CNNM2: variants seen among roughly 807,000 people sequenced by gnomAD.
CNNM2 encodes the protein metal transporter CNNM2.
CNNM2 carries 12 observed loss-of-function variants against 66.9 expected under a neutral mutation model. The ratio of observed to expected loss-of-function variants is 0.18; its 90% CI spans 0.11 to 0.29. The LOEUF is 0.29. Ranked by LOEUF, CNNM2 falls within the 10% of genes least tolerant of loss-of-function variation. CNNM2 has a pLI of 1.00. For synonymous variants in CNNM2, 557 were observed against 501.8 expected (o/e 1.11, Z -1.47); for missense variants, 705 against 1,167.7 (o/e 0.60, Z 5.77).
chr10:103,086,870 A>G lies in CNNM2; in HGVS notation c.*9690A>G, dbSNP rs1564879017. ...AAGTACACCATCAGAGTTTTCACTGACTATCTATCTTTGCAGAGATGAATG... is the reference window on the plus strand; with the variant it reads ...AAGTACACCATCAGAGTTTTCACTGGCTATCTATCTTTGCAGAGATGAATG... On this transcript the variant is annotated 3_prime_UTR_variant, in exon 8 of 8. Coordinates refer to ENST00000369878, the MANE Select transcript of CNNM2 (RefSeq NM_017649.5). 1 of 152,198 alleles carries G rather than the reference A, an allele frequency of 6.6e-6. No homozygotes were observed. Among genetic ancestry groups the G allele is most frequent in the East Asian group, 1.9e-4 (1 of 5,190 alleles). 9.4% of individuals were successfully genotyped at this position (152,198 alleles called of 1,614,324 possible).
At chr10:103,028,344 T>G (rs958070016) in intron 1 of CNNM2, among the ~76,000 whole-genome samples, 1 of 152,210 alleles carries the variant, frequency 6.6e-6, no homozygotes, top group African/African-American at 2.4e-5. Context: ...GACAACTCAT[T>G]GTATTTGAGT....
intron 1 of CNNM2, among the ~76,000 whole-genome samples, chr10:102,972,859 G>A (rs952513760): frequency 2.6e-5 from 4 of 152,158 alleles, no homozygotes; most frequent in Non-Finnish European, 5.9e-5. Context: ...GAGAGAAACT[G>A]CTGTACATTG....
chr10:102,928,803 C>T (rs1845967850), intron 1 of CNNM2, among the ~76,000 whole-genome samples: 1 of 152,142 alleles, frequency 6.6e-6, no homozygotes, highest in Non-Finnish European at 1.5e-5. Context: ...GGCCCCACCT[C>T]TTAATATCAC....
chr10:103,073,932 C>T (rs567283930), intron 6 of CNNM2, among the ~76,000 whole-genome samples: 2 of 150,276 alleles, frequency 1.3e-5, no homozygotes, highest in South Asian at 4.2e-4. Context: ...TATGGGGTAC[C>T]TACTGTTGTC....
rs11191501 is a variant in CNNM2 at position 103,005,194 on chromosome 10, C to G, written c.1622-44513C>G. Among the ~76,000 whole-genome samples the G allele has an allele frequency of 0.14, 21,241 of 151,940 alleles. 1,673 individuals carry two copies. Among genetic ancestry groups the G allele is most frequent in the East Asian group, 0.19 (984 of 5,154 alleles). The stretch of plus-strand genomic sequence containing the variant: ...CTCCCAAAGTGATAGGATTACAGAC[C>G]TGAGCCACTGTGTCTGGCCTAATTT... On this transcript the variant is annotated intron_variant, in intron 1 of 7. Transcript: ENST00000369878.
intron 4 of CNNM2, among the ~76,000 whole-genome samples, chr10:103,066,303 AC>A (rs1249463367): frequency 6.6e-6 from 1 of 151,656 alleles, no homozygotes; most frequent in Non-Finnish European, 1.5e-5. Context: ...CTCTCTCCAG[AC>A]CTTCTTTCTC....
At chr10:102,987,531 G>A (rs949724309) in intron 1 of CNNM2, among the ~76,000 whole-genome samples, 2 of 151,912 alleles carry the variant, frequency 1.3e-5, no homozygotes, top group East Asian at 1.9e-4. Context: ...CCATGTTGGC[G>A]AGGATGGTCT....
chr10:103,077,269 G>C lies in CNNM2; in HGVS notation c.*89G>C. ...CCCATGACTTCACTGGTGTGAGCTT[G>C]TCCGCCATGCTGTACCCTGCAACAT... On this transcript the variant is annotated 3_prime_UTR_variant, in exon 8 of 8. Coordinates refer to ENST00000369878, the MANE Select transcript of CNNM2 (RefSeq NM_017649.5). 8.3e-7 allele frequency: 1 copy of C among 1,210,778 alleles called. No homozygotes were observed. The highest frequency in any genetic ancestry group is 1.3e-5 in the South Asian group (1 of 76,162). 75.0% of individuals were successfully genotyped at this position (1,210,778 alleles called of 1,614,324 possible). A position where few individuals can be genotyped will look rare whatever the true frequency, so the allele number is the denominator to read the frequency against.
At chr10:102,935,113 C>A (rs1006722225) in intron 1 of CNNM2, among the ~76,000 whole-genome samples, 1 of 147,026 alleles carries the variant, frequency 6.8e-6, no homozygotes, top group African/African-American at 2.5e-5. Flanking sequence ...GAGCCGAGAC[C>A]GCGCCATTGC....
intron 1 of CNNM2, among the ~76,000 whole-genome samples, chr10:103,048,168 G>T (rs1015641965): frequency 1.3e-5 from 2 of 149,266 alleles, no homozygotes; most frequent in Admixed American, 1.3e-4. Context: ...CAAGTGATCC[G>T]CCTCCCAAAG....
rs148818152 is a variant in CNNM2, at chr10:102,976,956, C to A, written c.1621+56855C>A. Among the ~76,000 whole-genome samples, 372 of 152,268 alleles carry A rather than the reference C, an allele frequency of 2.4e-3. 2 individuals carry two copies. The highest frequency in any genetic ancestry group is 8.5e-3 in the African/African-American group (351 of 41,538). On this transcript the variant is annotated intron_variant, in intron 1 of 7. Transcript: ENST00000369878. ...TTGTTTTGGCATTTCTGAGATATTG[C>A]TGTTAACATCATGCAGCTTGACTAT...
At chr10:102,998,972 C>T (rs1213728823) in intron 1 of CNNM2, among the ~76,000 whole-genome samples, 1 of 152,072 alleles carries the variant, frequency 6.6e-6, no homozygotes, top group Non-Finnish European at 1.5e-5. Context: ...TGGCGCAATC[C>T]GGGCTCACTA....
intron 1 of CNNM2, among the ~76,000 whole-genome samples, chr10:102,990,638 C>T (rs781284285): frequency 3.3e-5 from 5 of 152,204 alleles, no homozygotes; most frequent in East Asian, 1.9e-4. Flanking sequence ...AAGGGGTGGG[C>T]GTAGAATGAG....
At chr10:103,034,245 G>A (rs2064885867) in intron 1 of CNNM2, among the ~76,000 whole-genome samples, 1 of 151,056 alleles carries the variant, frequency 6.6e-6, no homozygotes, top group South Asian at 2.1e-4. Context: ...GCTCCAAATT[G>A]AGGTCATCAG....
At chr10:103,003,432 TA>T (rs2064163798) in intron 1 of CNNM2, among the ~76,000 whole-genome samples, 1 of 152,204 alleles carries the variant, frequency 6.6e-6, no homozygotes, top group African/African-American at 2.4e-5. Context: ...AGTACTTTTT[TA>T]AGTGAACTTT....
In CNNM2 at chr10:103,085,497, G is replaced by T. The variant is rs1360084114; in HGVS notation, c.*8317G>T. ...GGAAAAATGTGTGCTCAGCTGCTTG[G>T]GCTCCAGTTTGTGTGGGAAGGTTTA... is the stretch of plus-strand genomic sequence containing the variant. On this transcript the variant is annotated 3_prime_UTR_variant, in exon 8 of 8. Transcript: ENST00000369878. The T allele has an allele frequency of 4.6e-5, 7 of 152,156 alleles. No homozygotes were observed. The highest frequency in any genetic ancestry group is 4.6e-4 in the Admixed American group (7 of 15,278). 9.4% of individuals were successfully genotyped at this position (152,156 alleles called of 1,614,324 possible). A position where few individuals can be genotyped will look rare whatever the true frequency, so the allele number is the denominator to read the frequency against.
intron 1 of CNNM2, among the ~76,000 whole-genome samples, chr10:103,018,128 G>A (rs1186755601): frequency 6.6e-6 from 1 of 152,074 alleles, no homozygotes; most frequent in Admixed American, 6.6e-5. Flanking sequence ...TTCTGCAAAG[G>A]ACTTACTGTG....
In CNNM2 at chr10:102,918,348, G is replaced by A. The variant is rs1425261873; in HGVS notation, c.-133G>A. ...GGGTTCCTCAGCTGGCTGAGGTGGA[G>A]TCAGTGTCAGTCAGGGAGGCGAACT... On this transcript the variant is annotated 5_prime_UTR_variant, in exon 1 of 8. Transcript: ENST00000369878. This position sits in a 1 kb window ranked among gnomAD's most constrained non-coding sequence, Gnocchi z 4.1. 2 of 1,426,810 alleles carry A rather than the reference G, an allele frequency of 1.4e-6. No homozygotes were observed. The highest frequency in any genetic ancestry group is 2.4e-5 in the Admixed American group (1 of 41,630). 88.4% of individuals were successfully genotyped at this position (1,426,810 alleles called of 1,614,324 possible).
At chr10:103,064,282 T>G (rs888290980) in intron 4 of CNNM2, among the ~76,000 whole-genome samples, 1 of 152,264 alleles carries the variant, frequency 6.6e-6, no homozygotes, top group African/African-American at 2.4e-5. Flanking sequence ...TTCATAAAGC[T>G]ATGTGTATTC....
Sources: allele counts gnomAD v4.1 joint callset (sites outside exome capture counted in the v4.1 genomes callset), GRCh38; gene constraint gnomAD v4.1.1; non-coding constraint Gnocchi (gnomAD v3.1); transcripts MANE v1.5; gene names NCBI Gene and HGNC (gene_info 2026-07-23, HGNC 2026-07-21).